Variants in PNPT1 observed in about 807,000 individuals in gnomAD.
PNPT1 encodes polyribonucleotide nucleotidyltransferase 1, mitochondrial.
PNPT1 carries 53 observed loss-of-function variants against 119.5 expected under a neutral mutation model. The ratio of observed to expected loss-of-function variants is 0.44; its 90% CI spans 0.36 to 0.56. PNPT1 has a LOEUF of 0.56. PNPT1 is among the 20% of genes least tolerant of loss of function. The pLI, the probability that PNPT1 is intolerant of heterozygous loss-of-function variation, is 0.00. For synonymous variants in PNPT1, 357 were observed against 322.1 expected (o/e 1.11, Z -1.16); for missense variants, 948 against 938.5 (o/e 1.01, Z -0.13).
At chr2:55,685,404 CA>C (rs1231853808) in intron 3 of PNPT1, among the ~76,000 whole-genome samples, 1 of 152,148 alleles carries the variant, frequency 6.6e-6, no homozygotes, top group Non-Finnish European at 1.5e-5. Context: ...GGCCTGTGCC[CA>C]TAGTCCTAGC....
Position 55,691,878 on chromosome 2 carries a change from ATTTTTT to A in PNPT1, c.161+1779_161+1784del, listed in dbSNP as rs1227966046. Among the ~76,000 whole-genome samples the A allele has an allele frequency of 1.4e-3, 47 of 33,088 alleles. 1 individual carries two copies. Among genetic ancestry groups the A allele is most frequent in the Middle Eastern group, 0.031 (1 of 32 alleles). 21.7% of individuals were successfully genotyped at this position (33,088 alleles called of 152,430 possible). The stretch of plus-strand genomic sequence containing the variant: ...TATATATATATATATATATATATAT[ATTTTTT>A]TTTTTTTTTTTTTTTTTTGAGACAA... On this transcript the variant is annotated intron_variant, in intron 1 of 27. Transcript: ENST00000447944.
intron 25 of PNPT1, among the ~76,000 whole-genome samples, chr2:55,642,372 C>A (rs1004964362): frequency 6.7e-6 from 1 of 150,044 alleles, no homozygotes; most frequent in Non-Finnish European, 1.5e-5. Flanking sequence ...TTTGGGAGGC[C>A]GAGGGGGGCG....
chr2:55,663,616 GAAAAA>G (rs1017511226), intron 13 of PNPT1, among the ~76,000 whole-genome samples: 3 of 151,928 alleles, frequency 2.0e-5, no homozygotes, highest in African/African-American at 7.3e-5. Flanking sequence ...GCACCCACAT[GAAAAA>G]AATAATAGAT....
At chr2:55,683,497 C>T (rs1697308230) in intron 5 of PNPT1, among the ~76,000 whole-genome samples, 1 of 151,454 alleles carries the variant, frequency 6.6e-6, no homozygotes. Context: ...CCTGTAATCC[C>T]AGCTACTCAG....
At chr2:55,666,562 C>A (rs981452658) in intron 13 of PNPT1, among the ~76,000 whole-genome samples, 4 of 152,150 alleles carry the variant, frequency 2.6e-5, no homozygotes, top group Admixed American at 2.6e-4. Flanking sequence ...CACCAAAGGC[C>A]AGGCGTGGTG....
intron 12 of PNPT1, among the ~76,000 whole-genome samples, chr2:55,667,421 C>T (rs568190352): frequency 3.3e-5 from 5 of 151,890 alleles, no homozygotes; most frequent in East Asian, 1.9e-4. Context: ...GGTGAAACCC[C>T]GTCTCTACTA....
chr2:55,683,568 G>A (rs1248387540), intron 5 of PNPT1, among the ~76,000 whole-genome samples: 6 of 147,680 alleles, frequency 4.1e-5, no homozygotes, highest in Non-Finnish European at 5.9e-5. Context: ...AGCTGAGATC[G>A]TGCCATTGCA....
intron 18 of PNPT1, 25 bp from the exon 19 acceptor site, chr2:55,647,478 G>C (rs1696038527): frequency 6.5e-7 from 1 of 1,543,254 alleles, no homozygotes; most frequent in Non-Finnish European, 8.9e-7. Context: ...AAGAACAACT[G>C]TGGGTAATGT....
intron 1 of PNPT1, among the ~76,000 whole-genome samples, chr2:55,690,851 A>AAC (rs1697575020): frequency 1.3e-5 from 2 of 152,214 alleles, no homozygotes; most frequent in Non-Finnish European, 2.9e-5. Context: ...TAGTATGTTG[A>AAC]GTAGATGGAA....
intron 17 of PNPT1, among the ~76,000 whole-genome samples, chr2:55,655,426 A>G (rs1696355351): frequency 6.6e-6 from 1 of 152,162 alleles, no homozygotes; most frequent in South Asian, 2.1e-4. Context: ...AGCCTATCAC[A>G]AAAAGTTCTA....
chr2:55,668,086 T>C (rs573190274), intron 11 of PNPT1, 128 bp from the exon 12 acceptor site: 87 of 765,362 alleles, frequency 1.1e-4, no homozygotes, highest in Middle Eastern at 2.4e-4. Flanking sequence ...GAACGTTTAG[T>C]CCTCAGGCAA....
At chr2:55,673,260 A>C (rs774770154) in intron 8 of PNPT1, among the ~76,000 whole-genome samples, 181 bp from the exon 9 acceptor site, 7 of 152,138 alleles carry the variant, frequency 4.6e-5, no homozygotes, top group Non-Finnish European at 8.8e-5. Flanking sequence ...CGGTAAATGA[A>C]TAAAGACACC....
intron 17 of PNPT1, 26 bp downstream of exon 17, chr2:55,656,105 A>T: frequency 1.9e-6 from 3 of 1,598,000 alleles, no homozygotes; most frequent in Non-Finnish European, 2.6e-6. Context: ...CTTTTCTACT[A>T]TGAAAGAAGT....
At chr2:55,679,612 T>C (rs1224063128) in intron 8 of PNPT1, 70 bp downstream of exon 8, 9 of 1,139,918 alleles carry the variant, frequency 7.9e-6, no homozygotes, top group Admixed American at 2.0e-5. Context: ...ACACAGAGTT[T>C]AAATTCAGTT....
intron 1 of PNPT1, among the ~76,000 whole-genome samples, chr2:55,689,040 CCACA>C (rs749013693): frequency 6.6e-6 from 1 of 151,902 alleles, no homozygotes; most frequent in Non-Finnish European, 1.5e-5. Flanking sequence ...GAGACTTGGG[CCACA>C]CAAAGTCTTA....
At position 55,690,755 on chromosome 2, in the gene PNPT1, C is replaced by A. The variant is rs369966944; in HGVS notation, c.161+2908G>T. Among the ~76,000 whole-genome samples the A allele has an allele frequency of 3.0e-4, 45 of 151,988 alleles. 2 individuals are homozygous for A. The South Asian group carries it at 7.0e-3, about 24-fold the overall frequency. On this transcript the variant is annotated intron_variant, in intron 1 of 27. Transcript: ENST00000447944. Reference sequence around the variant, plus strand: ...TCTAGTTGGGTTTCTATTTATTCAACACAGATGTTATAATGATGAAAGCCT... The same window carrying A: ...TCTAGTTGGGTTTCTATTTATTCAAAACAGATGTTATAATGATGAAAGCCT...
chr2:55,656,920 A>G (rs1461565563), intron 15 of PNPT1, among the ~76,000 whole-genome samples: 1 of 152,250 alleles, frequency 6.6e-6, no homozygotes, highest in Non-Finnish European at 1.5e-5. Context: ...GCTCTTTTCC[A>G]TAAGGGTTTT....
At chr2:55,691,408 T>C (rs1184164646) in intron 1 of PNPT1, among the ~76,000 whole-genome samples, 4 of 152,224 alleles carry the variant, frequency 2.6e-5, no homozygotes, top group African/African-American at 9.6e-5. Context: ...GCCTGGTACA[T>C]AGTAGTCACT....
At chr2:55,646,767 A>G (rs1261415539) in intron 19 of PNPT1, among the ~76,000 whole-genome samples, 1 of 150,514 alleles carries the variant, frequency 6.6e-6, no homozygotes, top group Non-Finnish European at 1.5e-5. Flanking sequence ...ATGAATACTT[A>G]CACTGTGTAA....
Sources: gnomAD v4.1 joint callset for allele counts (sites outside exome capture counted in the v4.1 genomes callset) on GRCh38, gnomAD v4.1.1 for gene constraint, MANE v1.5 for transcripts, NCBI Gene and HGNC (gene_info 2026-07-23, HGNC 2026-07-21) for gene names.